The following SNRPN variants were observed in gnomAD, a reference collection of about 807,000 sequenced individuals.
SNRPN encodes the protein small nuclear ribonucleoprotein polypeptide N.
In SNRPN, 7 loss-of-function variants were observed where a neutral mutation model predicts 25.2. That is an observed-to-expected ratio of 0.28 (90% CI 0.16 to 0.52). SNRPN has a LOEUF of 0.52. SNRPN is among the 20% of genes least tolerant of loss of function. The pLI, the probability that SNRPN is intolerant of heterozygous loss-of-function variation, is 0.96. For missense variants in SNRPN, 196 were observed against 322.5 expected, an observed-to-expected ratio of 0.61 and a Z score of 3.00; for synonymous variants, 124 against 110.6, an observed-to-expected ratio of 1.12 and a Z score of -0.76.
At chr15:24,885,716 C>CTGTGTGTGTGTGTGTATGTG (rs1555389069) in intron 1 of SNRPN, among the ~76,000 whole-genome samples, 2 of 141,636 alleles carry the variant, frequency 1.4e-5, no homozygotes, top group African/African-American at 2.6e-5. Context: ...GAATCTGGGG[C>CTGTGTGTGTGTGTGTATGTG]TGTGTGTGTG....
Position 24,929,131 on chromosome 15 carries a change from T to A in SNRPN, c.-391+9007T>A, listed in dbSNP as rs1181351440. Among the ~76,000 whole-genome samples the A allele has an allele frequency of 6.6e-6, 1 of 152,202 alleles. No homozygotes were observed. Among genetic ancestry groups the A allele is most frequent in the Non-Finnish European group, 1.5e-5 (1 of 68,040 alleles). The stretch of plus-strand genomic sequence containing the variant: ...TACGGGATATAAAGATATAGCTATA[T>A]GTATGTGACTATATGTATTGTGTAT... On this transcript the variant is annotated intron_variant, in intron 3 of 11. Transcript: ENST00000400097. This position sits in a 1 kb window ranked among gnomAD's most constrained non-coding sequence, Gnocchi z 5.3.
chr15:24,903,524 A>G (rs1595806415), intron 2 of SNRPN, among the ~76,000 whole-genome samples: 1 of 152,322 alleles, frequency 6.6e-6, no homozygotes. Flanking sequence ...ACACCACTCT[A>G]TGCAGGATCC....
chr15:24,853,773 C>T (rs980057269), upstream of SNRPN, among the ~76,000 whole-genome samples: 62 of 152,300 alleles, frequency 4.1e-4, no homozygotes, highest in Admixed American at 3.9e-3. Context: ...AATAGCATGT[C>T]ATATCATGTT....
rs2077320888 is a variant in SNRPN at position 24,978,533 on chromosome 15, T to C, written c.*89T>C. 8.7e-7 allele frequency: 1 copy of C among 1,143,082 alleles called. No individual in the cohort carries two copies. The highest frequency in any genetic ancestry group is 1.7e-5 in the Admixed American group (1 of 58,840). The allele number at this position is 1,143,082 out of a possible 1,614,324, so 70.8% of individuals were successfully genotyped here. On this transcript the variant is annotated 3_prime_UTR_variant, in exon 10 of 10. Transcript: ENST00000390687. ...TGTTTGTGAGCTTTTTGTTCCCTCATTCTGCATTAATAATAGCTAATAATA... is the reference window on the plus strand; with the variant it reads ...TGTTTGTGAGCTTTTTGTTCCCTCACTCTGCATTAATAATAGCTAATAATA...
At chr15:24,977,634 C>T in intron 7 of SNRPN, 144 bp from the exon 8 acceptor site, 1 of 816,812 alleles carries the variant, frequency 1.2e-6, no homozygotes, top group African/African-American at 1.8e-5. Flanking sequence ...GTGAAACTGT[C>T]TCAAAAAAAA....
At chr15:24,964,384 C>T (rs1421736750) in intron 2 of SNRPN, among the ~76,000 whole-genome samples, 1 of 152,092 alleles carries the variant, frequency 6.6e-6, no homozygotes, top group Non-Finnish European at 1.5e-5. Context: ...CCTCCGCCTA[C>T]CAAGTTCAAG....
At chr15:24,832,016 G>C (rs1190455069) in intron 2 of SNRPN, among the ~76,000 whole-genome samples, 1 of 151,424 alleles carries the variant, frequency 6.6e-6, no homozygotes, top group African/African-American at 2.4e-5. Flanking sequence ...TATATACCCA[G>C]TAATAAGACT....
chr15:24,914,320 G>T (rs1209175542), intron 2 of SNRPN, among the ~76,000 whole-genome samples: 1 of 152,118 alleles, frequency 6.6e-6, no homozygotes, highest in East Asian at 1.9e-4. Flanking sequence ...CAAAGAGCCA[G>T]GAAAAAGACC....
At chr15:24,968,317 G>T in intron 3 of SNRPN, 2 of 309,934 alleles carry the variant, frequency 6.5e-6, no homozygotes, top group East Asian at 7.2e-5. Flanking sequence ...GTTTTCTTTT[G>T]CGTTTTTTTT....
intron 2 of SNRPN, among the ~76,000 whole-genome samples, chr15:24,896,572 G>T (rs1428496926): frequency 1.3e-5 from 2 of 152,030 alleles, no homozygotes; most frequent in African/African-American, 4.8e-5. Flanking sequence ...AAACTAGCTA[G>T]GTGTGGTGGC....
chr15:24,903,570 T>A (rs965487531), intron 2 of SNRPN, among the ~76,000 whole-genome samples: 1 of 152,194 alleles, frequency 6.6e-6, no homozygotes, highest in African/African-American at 2.4e-5. Context: ...ACAGGTTCCA[T>A]TCATGCTTTC....
intron 2 of SNRPN, among the ~76,000 whole-genome samples, chr15:24,889,232 A>C (rs2057445148): frequency 6.6e-6 from 1 of 151,196 alleles, no homozygotes; most frequent in South Asian, 2.1e-4. Flanking sequence ...AGTTTCTTAT[A>C]CTAGAAGAAA....
intron 1 of SNRPN, among the ~76,000 whole-genome samples, chr15:24,879,260 C>G (rs2056347212): frequency 6.6e-6 from 1 of 151,922 alleles, no homozygotes; most frequent in Non-Finnish European, 1.5e-5. Flanking sequence ...CACGGTGAAA[C>G]CTCGTCTCTA....
At chr15:24,972,541 CTTT>C (rs755600861) in intron 3 of SNRPN, among the ~76,000 whole-genome samples, 2 of 112,210 alleles carry the variant, frequency 1.8e-5, no homozygotes. Context: ...TTAGAGTATT[CTTT>C]TTTTTTTTTT....
chr15:24,867,665 C>T (rs1041520607), intron 1 of SNRPN, among the ~76,000 whole-genome samples: 4 of 152,090 alleles, frequency 2.6e-5, no homozygotes, highest in Non-Finnish European at 5.9e-5. Flanking sequence ...TGAGCCACTG[C>T]GCCCGGCCTT....
intron 3 of SNRPN, among the ~76,000 whole-genome samples, chr15:24,948,267 C>T (rs888319511): frequency 6.6e-6 from 1 of 152,020 alleles, no homozygotes. Flanking sequence ...ATGCATGCCA[C>T]CATGCCCAGT....
At chr15:24,867,147 C>T (rs544786937) in intron 1 of SNRPN, among the ~76,000 whole-genome samples, 5 of 152,146 alleles carry the variant, frequency 3.3e-5, no homozygotes, top group African/African-American at 9.6e-5. Context: ...ATATAGCCAG[C>T]GTTGGGATTG....
At chr15:24,962,022 T>C (rs2074916539) in intron 1 of SNRPN, 92 bp from the exon 2 acceptor site, 1 of 1,051,342 alleles carries the variant, frequency 9.5e-7, no homozygotes, top group African/African-American at 1.6e-5. Context: ...AAATCCATTA[T>C]ATTAAATGTA....
intron 2 of SNRPN, among the ~76,000 whole-genome samples, chr15:24,891,166 C>A (rs966464537): frequency 2.6e-5 from 4 of 151,644 alleles, no homozygotes; most frequent in African/African-American, 9.7e-5. Context: ...CCGCCTTCGC[C>A]TCCTTAAATG....
Sources: gnomAD v4.1 joint callset for allele counts (sites outside exome capture counted in the v4.1 genomes callset) on GRCh38, gnomAD v4.1.1 for gene constraint, Gnocchi (gnomAD v3.1) non-coding constraint, MANE v1.5 for transcripts, NCBI Gene and HGNC (gene_info 2026-07-23, HGNC 2026-07-21) for gene names.